Variants in DLG2 observed in about 807,000 individuals in gnomAD.
The protein encoded by DLG2 is discs large MAGUK scaffold protein 2, also known as disks large homolog 2.
DLG2 carries 45 observed loss-of-function variants against 132.5 expected under a neutral mutation model. That is an observed-to-expected ratio of 0.34 (90% confidence interval 0.27 to 0.44). The LOEUF is 0.44. DLG2 is among the 20% of genes least tolerant of loss of function. The pLI is 1.00. For synonymous variants in DLG2, 424 were observed against 419.6 expected (o/e 1.01, Z -0.13); for missense variants, 1,045 against 1,196.9 (o/e 0.87, Z 1.87).
At chr11:84,672,990 G>T (rs1428778802) in intron 6 of DLG2, among the ~76,000 whole-genome samples, 1 of 151,948 alleles carries the variant, frequency 6.6e-6, no homozygotes, top group Non-Finnish European at 1.5e-5. Context: ...TGGGGGGTAG[G>T]TGCCATACAC....
chr11:83,545,863 T>G (rs2096227169), intron 19 of DLG2, among the ~76,000 whole-genome samples: 1 of 152,172 alleles, frequency 6.6e-6, no homozygotes, highest in Non-Finnish European at 1.5e-5. Flanking sequence ...CTGGCTCCTT[T>G]GGATATTAAT....
chr11:85,613,792 G>A (rs958684430), intron 2 of DLG2, among the ~76,000 whole-genome samples: 6 of 152,202 alleles, frequency 3.9e-5, no homozygotes, highest in African/African-American at 7.2e-5. Flanking sequence ...CCCCTTCCAC[G>A]CTGTAGAAGC....
intron 7 of DLG2, among the ~76,000 whole-genome samples, chr11:84,382,137 C>A (rs1265711756): frequency 6.6e-6 from 1 of 152,184 alleles, no homozygotes; most frequent in African/African-American, 2.4e-5. Flanking sequence ...CAAGCTCCCA[C>A]AAATCAGCTT....
chr11:84,159,246 G>A (rs1375779968), intron 9 of DLG2, among the ~76,000 whole-genome samples: 1 of 152,048 alleles, frequency 6.6e-6, no homozygotes, highest in East Asian at 1.9e-4. Flanking sequence ...TTACAGGAAG[G>A]AATAGATGTT....
rs1290248666 is a variant in DLG2, at chr11:84,704,848, C to CAT, written c.358-170119_358-170118dup. Reference sequence around the variant, plus strand: ...ATCTACAGGTAGTAACTAGTTAATTCATATATATATATACACACACACACA... The same window carrying CAT: ...ATCTACAGGTAGTAACTAGTTAATTCATATATATATATATACACACACACACA... On this transcript the variant is annotated intron_variant, in intron 6 of 27. Transcript: ENST00000376104. 1.1e-3 allele frequency among the ~76,000 whole-genome samples: 163 copies of CAT among 148,466 alleles called. 2 individuals are homozygous for CAT. Among genetic ancestry groups the CAT allele is most frequent in the South Asian group, 5.6e-3 (26 of 4,674 alleles).
intron 7 of DLG2, among the ~76,000 whole-genome samples, chr11:84,440,875 G>T (rs1456737894): frequency 6.6e-6 from 1 of 152,038 alleles, no homozygotes; most frequent in East Asian, 1.9e-4. Flanking sequence ...GCACATGAAT[G>T]ATTTTTGTTT....
chr11:85,388,922 G>T (rs1414664776), intron 3 of DLG2, among the ~76,000 whole-genome samples: 1 of 152,070 alleles, frequency 6.6e-6, no homozygotes, highest in Non-Finnish European at 1.5e-5. Flanking sequence ...AACAATTCTG[G>T]TAATATGACA....
intron 6 of DLG2, among the ~76,000 whole-genome samples, chr11:84,871,288 A>G (rs2085419707): frequency 6.6e-6 from 1 of 152,196 alleles, no homozygotes; most frequent in Non-Finnish European, 1.5e-5. Flanking sequence ...CTAAAGAACC[A>G]CAAGTGATTC....
intron 3 of DLG2, among the ~76,000 whole-genome samples, chr11:85,516,715 T>C (rs1382909079): frequency 6.6e-6 from 1 of 151,920 alleles, no homozygotes; most frequent in East Asian, 1.9e-4. Flanking sequence ...CCTTCCAAGA[T>C]TGAACCCTAA....
At chr11:85,333,903 T>A (rs185746395) in intron 3 of DLG2, among the ~76,000 whole-genome samples, 1 of 151,990 alleles carries the variant, frequency 6.6e-6, no homozygotes, top group East Asian at 1.9e-4. Context: ...TTTTTTTCAC[T>A]GTGTCTCTGA....
At chr11:85,229,160 T>C in intron 4 of DLG2, among the ~76,000 whole-genome samples, 1 of 149,540 alleles carries the variant, frequency 6.7e-6, no homozygotes, top group African/African-American at 2.5e-5. Flanking sequence ...ATATGTTGTA[T>C]ACATATCCTA....
At position 84,374,288 on chromosome 11, in the gene DLG2, C is replaced by G. The variant is rs570510280; in HGVS notation, c.520-122997G>C. Among the ~76,000 whole-genome samples, 359 of 152,286 alleles carry G rather than the reference C, an allele frequency of 2.4e-3. 2 individuals carry two copies. Among genetic ancestry groups the G allele is most frequent in the Middle Eastern group, 6.8e-3 (2 of 294 alleles). The stretch of plus-strand genomic sequence containing the variant: ...CACAGTAATCCACCCAATTTGAACA[C>G]TTCAGGATAATTATTGATTATTTCT... On this transcript the variant is annotated intron_variant, in intron 7 of 27. Transcript: ENST00000376104.
intron 9 of DLG2, among the ~76,000 whole-genome samples, chr11:84,113,383 T>C (rs1198079553): frequency 6.6e-6 from 1 of 152,188 alleles, no homozygotes; most frequent in Non-Finnish European, 1.5e-5. Context: ...GAACATCAGT[T>C]TTACTTAAAA....
intron 6 of DLG2, among the ~76,000 whole-genome samples, chr11:84,792,634 A>C (rs1273017923): frequency 6.6e-6 from 1 of 152,020 alleles, no homozygotes; most frequent in Non-Finnish European, 1.5e-5. Flanking sequence ...TGGATTTCTT[A>C]ATAGTTCAAT....
At chr11:85,504,193 C>T (rs1270849738) in intron 3 of DLG2, among the ~76,000 whole-genome samples, 2 of 152,068 alleles carry the variant, frequency 1.3e-5, no homozygotes, top group Non-Finnish European at 2.9e-5. Flanking sequence ...GTTTCTTTTG[C>T]TGTGCAGAAG....
At chr11:85,294,090 T>C (rs2079076122) in intron 3 of DLG2, among the ~76,000 whole-genome samples, 1 of 151,846 alleles carries the variant, frequency 6.6e-6, no homozygotes, top group Non-Finnish European at 1.5e-5. Flanking sequence ...AAAATAAAAA[T>C]AAACTGATAT....
chr11:83,948,349 C>T (rs2084592450), intron 14 of DLG2, among the ~76,000 whole-genome samples: 1 of 152,062 alleles, frequency 6.6e-6, no homozygotes, highest in Non-Finnish European at 1.5e-5. Flanking sequence ...CTCACAACCA[C>T]AGCTAAGTTC....
rs181113927 is a variant in DLG2 at position 84,575,150 on chromosome 11, G to A, written c.358-40419C>T. 1.6e-4 allele frequency among the ~76,000 whole-genome samples: 25 copies of A among 152,132 alleles called. 1 individual carries two copies. The East Asian group carries it at 4.3e-3, about 26-fold the overall frequency. ...ATTGAGCTAACCAGATCTTATCACC[G>A]GCTTTGTAAACACCTTCAGTGTCCC... On this transcript the variant is annotated intron_variant, in intron 6 of 27. Coordinates refer to ENST00000376104, the MANE Select transcript of DLG2 (RefSeq NM_001142699.3).
intron 7 of DLG2, among the ~76,000 whole-genome samples, chr11:84,478,088 C>T (rs536978853): frequency 6.6e-6 from 1 of 152,264 alleles, no homozygotes; most frequent in South Asian, 2.1e-4. Context: ...CTCTTAGCCT[C>T]TCTAAACCTC....
Sources: allele counts gnomAD v4.1 joint callset (sites outside exome capture counted in the v4.1 genomes callset), GRCh38; gene constraint gnomAD v4.1.1; transcripts MANE v1.5; gene names NCBI Gene and HGNC (gene_info 2026-07-23, HGNC 2026-07-21).